TCF7L2: variants seen among roughly 807,000 people sequenced by gnomAD.
TCF7L2 encodes the protein transcription factor 7-like 2.
A neutral mutation model predicts 77.9 loss-of-function variants in TCF7L2; 23 were observed. The ratio of observed to expected loss-of-function variants is 0.30; its 90% CI spans 0.21 to 0.42. The LOEUF (loss-of-function observed/expected upper bound fraction) is 0.42, where lower values mean the gene tolerates loss of function less well. Ranked by LOEUF, TCF7L2 falls within the 10% of genes least tolerant of loss-of-function variation. The pLI is 1.00. For missense variants in TCF7L2, 654 were observed against 793.1 expected (o/e 0.82, Z 2.11); for synonymous variants, 413 against 340.2 (o/e 1.21, Z -2.36).
At chr10:112,997,677 C>T (rs1463281417) in intron 4 of TCF7L2, among the ~76,000 whole-genome samples, 1 of 152,160 alleles carries the variant, frequency 6.6e-6, no homozygotes, top group Admixed American at 6.5e-5. Context: ...AAAACATCTC[C>T]CTGGTCTCAT....
intron 4 of TCF7L2, among the ~76,000 whole-genome samples, chr10:113,010,031 C>T (rs545775636): frequency 6.5e-4 from 99 of 151,768 alleles, no homozygotes; most frequent in African/African-American, 2.2e-3. Context: ...TTCATTGTTC[C>T]GTTATCTAGT....
intron 4 of TCF7L2, among the ~76,000 whole-genome samples, chr10:113,031,290 A>C (rs2050163759): frequency 1.3e-5 from 2 of 152,182 alleles, no homozygotes; most frequent in Admixed American, 1.3e-4. Flanking sequence ...CTTCAAATGG[A>C]CTACATGCTG....
At chr10:112,973,663 C>G (rs997637004) in intron 4 of TCF7L2, among the ~76,000 whole-genome samples, 2 of 152,174 alleles carry the variant, frequency 1.3e-5, no homozygotes, top group African/African-American at 2.4e-5. Flanking sequence ...CATCTCGGCT[C>G]ACTGCAACCT....
chr10:113,058,783 C>A (rs1055150955), intron 5 of TCF7L2, among the ~76,000 whole-genome samples: 2 of 152,110 alleles, frequency 1.3e-5, no homozygotes, highest in Non-Finnish European at 2.9e-5. Context: ...CCCGCAAGCA[C>A]AGAGTGACAG....
chr10:113,016,838 G>A (rs1034558522), intron 4 of TCF7L2, among the ~76,000 whole-genome samples: 5 of 151,992 alleles, frequency 3.3e-5, no homozygotes, highest in African/African-American at 1.2e-4. Flanking sequence ...GAATGCCTCC[G>A]CTGCCCACCA....
chr10:113,139,640 C>G (rs961174515), intron 5 of TCF7L2, among the ~76,000 whole-genome samples: 1 of 152,154 alleles, frequency 6.6e-6, no homozygotes, highest in Non-Finnish European at 1.5e-5. Flanking sequence ...CTGTTGGAAA[C>G]GTTGACTTCT....
intron 4 of TCF7L2, among the ~76,000 whole-genome samples, chr10:112,976,990 T>A (rs2039542014): frequency 6.6e-6 from 1 of 150,544 alleles, no homozygotes; most frequent in African/African-American, 2.4e-5. Flanking sequence ...TTTTTTTTTT[T>A]TAAATGTCAG....
intron 10 of TCF7L2, among the ~76,000 whole-genome samples, 179 bp from the exon 11 acceptor site, chr10:113,152,154 A>G (rs2070883050): frequency 6.6e-6 from 1 of 152,232 alleles, no homozygotes; most frequent in African/African-American, 2.4e-5. Context: ...TTGTCTAAAC[A>G]TTCCTGTTAG....
chr10:112,994,012 GC>G (rs2043042138), intron 4 of TCF7L2, among the ~76,000 whole-genome samples: 1 of 150,474 alleles, frequency 6.6e-6, no homozygotes, highest in Admixed American at 6.6e-5. Flanking sequence ...CTGAGACCAT[GC>G]CATTGCACTC....
At chr10:113,071,592 G>T (rs934831802) in intron 5 of TCF7L2, among the ~76,000 whole-genome samples, 1 of 152,110 alleles carries the variant, frequency 6.6e-6, no homozygotes, top group Non-Finnish European at 1.5e-5. Flanking sequence ...TACCTTTTCC[G>T]TTCTGGGCAG....
At chr10:113,040,147 G>C (rs2052174603) in intron 5 of TCF7L2, 21 bp downstream of exon 5, 1 of 1,605,098 alleles carries the variant, frequency 6.2e-7, no homozygotes, top group Non-Finnish European at 8.5e-7. Flanking sequence ...TCCCAGAGAT[G>C]ATGGCTTCCT....
At chr10:113,133,476 T>C (rs574433530) in intron 5 of TCF7L2, among the ~76,000 whole-genome samples, 16 of 152,280 alleles carry the variant, frequency 1.1e-4, no homozygotes, top group African/African-American at 3.1e-4. Context: ...TCTAGACCCT[T>C]CATGTTTGGC....
chr10:112,955,846 A>G (rs1234964697), intron 3 of TCF7L2, among the ~76,000 whole-genome samples: 1 of 152,174 alleles, frequency 6.6e-6, no homozygotes, highest in African/African-American at 2.4e-5. Flanking sequence ...ATTGAAAAAA[A>G]TATTTGCTTT....
At chr10:113,032,528 T>C (rs1339890444) in intron 4 of TCF7L2, among the ~76,000 whole-genome samples, 2 of 152,196 alleles carry the variant, frequency 1.3e-5, no homozygotes, top group African/African-American at 4.8e-5. Flanking sequence ...GCTTATTACT[T>C]TGGGGACACT....
At chr10:112,963,768 G>A (rs150589795) in intron 3 of TCF7L2, among the ~76,000 whole-genome samples, 12 of 152,156 alleles carry the variant, frequency 7.9e-5, no homozygotes, top group Non-Finnish European at 1.3e-4. Flanking sequence ...TTGATGGGTG[G>A]TCTCTAGGAC....
intron 4 of TCF7L2, among the ~76,000 whole-genome samples, chr10:113,030,931 G>C (rs1464899926): frequency 6.6e-6 from 1 of 152,190 alleles, no homozygotes; most frequent in African/African-American, 2.4e-5. Context: ...GAACAAGACT[G>C]TCTCAGAGGC....
chr10:113,145,122 T>G (rs1351245014), intron 7 of TCF7L2, among the ~76,000 whole-genome samples: 2 of 152,074 alleles, frequency 1.3e-5, no homozygotes, highest in Non-Finnish European at 2.9e-5. Flanking sequence ...CTGTTTTTTT[T>G]TTTTTTAATA....
At chr10:113,014,025 G>A (rs577320800) in intron 4 of TCF7L2, among the ~76,000 whole-genome samples, 1 of 152,260 alleles carries the variant, frequency 6.6e-6, no homozygotes, top group Non-Finnish European at 1.5e-5. Context: ...CCCTAAAAGG[G>A]GTCCCTGCGC....
Position 113,165,780 on chromosome 10 carries a change from G to A in TCF7L2, c.1617G>A (p.Leu539=), listed in dbSNP as rs749757425. ...TGATGCCTCCGCCACCCGCCCTCCT[G>A]CTCGCTGAGGCCACCCACAAGGCCT... Residue 539 remains leucine (L), a synonymous_variant, in exon 14 of 14, where the codon CTG becomes CTA. Coordinates refer to ENST00000627217, the MANE Select transcript of TCF7L2 (RefSeq NM_001146274.2). 9 of 1,605,076 alleles carry A rather than the reference G, an allele frequency of 5.6e-6. No homozygotes were observed. The South Asian group carries it at 8.9e-5, about 16-fold the overall frequency.
Sources: gnomAD v4.1 joint callset for allele counts (sites outside exome capture counted in the v4.1 genomes callset) on GRCh38, gnomAD v4.1.1 for gene constraint, MANE v1.5 for transcripts, NCBI Gene and HGNC (gene_info 2026-07-23, HGNC 2026-07-21) for gene names.